Variants in DLG2 observed in about 807,000 individuals in gnomAD.
DLG2 encodes the protein discs large MAGUK scaffold protein 2.
DLG2 carries 45 observed loss-of-function variants against 132.5 expected under a neutral mutation model. That is an observed-to-expected ratio of 0.34 (90% CI 0.27 to 0.44). DLG2 has a LOEUF of 0.44. Among genes scored for constraint, DLG2 ranks in the 20% least tolerant of loss-of-function variants. The pLI is 1.00. For synonymous variants in DLG2, 424 were observed against 419.6 expected, an observed-to-expected ratio of 1.01 and a Z score of -0.13; for missense variants, 1,045 against 1,196.9, an observed-to-expected ratio of 0.87 and a Z score of 1.87.
chr11:84,222,727 C>T (rs1389347928), intron 8 of DLG2, among the ~76,000 whole-genome samples: 3 of 152,132 alleles, frequency 2.0e-5, no homozygotes, highest in Non-Finnish European at 4.4e-5. Flanking sequence ...ACTTACCCCA[C>T]TCTCATCAAT....
chr11:84,943,168 G>A (rs1249747901), intron 6 of DLG2, among the ~76,000 whole-genome samples: 3 of 39,088 alleles, frequency 7.7e-5, no homozygotes, highest in Admixed American at 3.1e-4. Flanking sequence ...GTGTGTGTGC[G>A]TGTGTGTGTG....
chr11:83,981,472 C>T (rs889011560), intron 11 of DLG2, among the ~76,000 whole-genome samples: 1 of 152,012 alleles, frequency 6.6e-6, no homozygotes, highest in Non-Finnish European at 1.5e-5. Context: ...GAGATAGTCT[C>T]GCTCTGTCGC....
intron 8 of DLG2, among the ~76,000 whole-genome samples, chr11:84,188,819 T>TA (rs558249800): frequency 6.6e-5 from 10 of 151,040 alleles, no homozygotes; most frequent in South Asian, 2.1e-4. Flanking sequence ...ATTATTTATT[T>TA]AAAAAAAAAG....
intron 14 of DLG2, among the ~76,000 whole-genome samples, chr11:83,931,893 G>T (rs570853952): frequency 2.6e-5 from 4 of 152,106 alleles, no homozygotes; most frequent in Non-Finnish European, 5.9e-5. Flanking sequence ...ATTCTTCACC[G>T]TTCAAAGTCT....
At chr11:85,331,583 C>G (rs1291007374) in intron 3 of DLG2, among the ~76,000 whole-genome samples, 1 of 152,094 alleles carries the variant, frequency 6.6e-6, no homozygotes, top group East Asian at 1.9e-4. Context: ...AAGCATAGTG[C>G]CTGATAGGTA....
chr11:84,969,435 A>G (rs921700190), intron 6 of DLG2, among the ~76,000 whole-genome samples: 2 of 152,174 alleles, frequency 1.3e-5, no homozygotes, highest in African/African-American at 4.8e-5. Flanking sequence ...ATCTTCTAGA[A>G]CTTTATATGA....
chr11:84,502,263 CTTCCTTCCTTCCTTCCTTCTTTCT>C (rs2099215015), intron 7 of DLG2, among the ~76,000 whole-genome samples: 2 of 28,980 alleles, frequency 6.9e-5, no homozygotes, highest in Non-Finnish European at 1.1e-4. Flanking sequence ...TCCTTCCTTC[CTTCCTTCCTTCCTTCCTTCTTTCT>C]TTCTTTCTTT....
intron 6 of DLG2, among the ~76,000 whole-genome samples, chr11:84,899,424 A>C (rs1030881814): frequency 4.6e-5 from 7 of 152,014 alleles, no homozygotes; most frequent in Non-Finnish European, 8.8e-5. Flanking sequence ...AAAGAACTAA[A>C]AATGTTGGTA....
At chr11:84,816,253 G>C (rs2077075009) in intron 6 of DLG2, among the ~76,000 whole-genome samples, 1 of 151,986 alleles carries the variant, frequency 6.6e-6, no homozygotes, top group Non-Finnish European at 1.5e-5. Flanking sequence ...GCTGCCTCCA[G>C]AGGAGCAGAG....
chr11:85,475,044 T>C (rs1431910215), intron 3 of DLG2, among the ~76,000 whole-genome samples: 1 of 151,600 alleles, frequency 6.6e-6, no homozygotes, highest in African/African-American at 2.4e-5. Context: ...TTTTAAAGAC[T>C]AATAAGATAA....
At position 84,044,139 on chromosome 11, in the gene DLG2, G is replaced by C. The variant is rs116789494; in HGVS notation, c.919+15176C>G. Among the ~76,000 whole-genome samples the C allele has an allele frequency of 5.8e-3, 873 of 151,734 alleles. 7 individuals carry two copies. The highest frequency in any genetic ancestry group is 0.021 in the African/African-American group (852 of 41,426). On this transcript the variant is annotated intron_variant, in intron 11 of 27. Coordinates refer to ENST00000376104, the MANE Select transcript of DLG2 (RefSeq NM_001142699.3). ...TTGTGTCCTGGCTCTGTCATCATTTGTATGATTTTAGGCAAGTTATTAAAC... is the reference window on the plus strand; with the variant it reads ...TTGTGTCCTGGCTCTGTCATCATTTCTATGATTTTAGGCAAGTTATTAAAC...
At chr11:84,733,350 G>T (rs573173914) in intron 6 of DLG2, among the ~76,000 whole-genome samples, 2 of 152,188 alleles carry the variant, frequency 1.3e-5, no homozygotes, top group African/African-American at 4.8e-5. Context: ...GTGTGAGATG[G>T]TATCTCATTG....
At chr11:84,353,333 T>A (rs935083499) in intron 7 of DLG2, among the ~76,000 whole-genome samples, 4 of 152,162 alleles carry the variant, frequency 2.6e-5, no homozygotes, top group African/African-American at 7.2e-5. Context: ...TTCTTCCACC[T>A]AAACTTGGAC....
intron 3 of DLG2, among the ~76,000 whole-genome samples, chr11:85,410,026 C>T (rs77344882): frequency 0.014 from 2,158 of 151,866 alleles, 52 homozygotes; most frequent in African/African-American, 0.05. Context: ...GGTTTTAGTA[C>T]GGAATGGCAT....
At chr11:85,117,740 A>T (rs1366248977) in intron 5 of DLG2, among the ~76,000 whole-genome samples, 1 of 151,994 alleles carries the variant, frequency 6.6e-6, no homozygotes, top group African/African-American at 2.4e-5. Context: ...CACAGTGGAA[A>T]AAAGAGAATC....
intron 14 of DLG2, among the ~76,000 whole-genome samples, chr11:83,942,761 C>T (rs575779989): frequency 6.6e-6 from 1 of 152,038 alleles, no homozygotes; most frequent in Admixed American, 6.5e-5. Flanking sequence ...ATTTTTTGTA[C>T]CCCATAAGGG....
chr11:85,236,163 A>T (rs1370589632), intron 4 of DLG2, among the ~76,000 whole-genome samples: 1 of 152,010 alleles, frequency 6.6e-6, no homozygotes, highest in East Asian at 1.9e-4. Context: ...ACAAACAAAG[A>T]AACTGTAGCA....
chr11:83,976,937 A>T (rs1349432213), intron 12 of DLG2, among the ~76,000 whole-genome samples: 1 of 151,486 alleles, frequency 6.6e-6, no homozygotes, highest in Non-Finnish European at 1.5e-5. Context: ...TTTTTTTCTG[A>T]TATTGGAGTA....
intron 7 of DLG2, among the ~76,000 whole-genome samples, chr11:84,426,665 T>C (rs1006083759): frequency 2.0e-5 from 3 of 152,168 alleles, no homozygotes; most frequent in Admixed American, 6.6e-5. Context: ...TGAACTTCAA[T>C]GTAACATTGC....
Sources: allele counts gnomAD v4.1 joint callset (sites outside exome capture counted in the v4.1 genomes callset), GRCh38; gene constraint gnomAD v4.1.1; transcripts MANE v1.5; gene names NCBI Gene and HGNC (gene_info 2026-07-23, HGNC 2026-07-21).